The following TRIM71 variants were observed in gnomAD, a reference collection of about 807,000 sequenced individuals.
The protein encoded by TRIM71 is tripartite motif containing 71, also known as E3 ubiquitin-protein ligase TRIM71.
A neutral mutation model predicts 61.2 loss-of-function variants in TRIM71; 9 were observed. The ratio of observed to expected loss-of-function variants is 0.15; its 90% CI spans 0.09 to 0.26. TRIM71 has a LOEUF of 0.26. Ranked by LOEUF, TRIM71 falls within the 10% of genes least tolerant of loss-of-function variation. TRIM71 has a pLI of 1.00. For missense variants in TRIM71, 998 were observed against 1,238.7 expected, an observed-to-expected ratio of 0.81 and a Z score of 2.92; for synonymous variants, 645 against 553.2, an observed-to-expected ratio of 1.17 and a Z score of -2.33.
chr3:32,855,294 G>A lies in TRIM71; in HGVS notation c.853-18524G>A, dbSNP rs187953503. 1.1e-3 allele frequency among the ~76,000 whole-genome samples: 169 copies of A among 152,114 alleles called. 1 individual carries two copies. Among genetic ancestry groups the A allele is most frequent in the African/African-American group, 3.6e-3 (150 of 41,466 alleles). The stretch of plus-strand genomic sequence containing the variant: ...GGAAAGTTAAGTCGGGTAAGGGGGT[G>A]GAAGTGAGGGGTACCAGTGTTGTGT... On this transcript the variant is annotated intron_variant, in intron 1 of 3. Coordinates refer to ENST00000383763, the MANE Select transcript of TRIM71 (RefSeq NM_001039111.3).
chr3:32,883,986 G>A (rs1696934789), intron 2 of TRIM71, among the ~76,000 whole-genome samples: 1 of 152,194 alleles, frequency 6.6e-6, no homozygotes, highest in Non-Finnish European at 1.5e-5. Context: ...TGGATATCCT[G>A]TGAGCCCTCT....
intron 1 of TRIM71, among the ~76,000 whole-genome samples, chr3:32,873,384 G>A (rs549241711): frequency 6.6e-6 from 1 of 152,156 alleles, no homozygotes; most frequent in African/African-American, 2.4e-5. Context: ...GAGCAGCAAA[G>A]GAAACTTTTC....
At chr3:32,872,601 G>A (rs918407775) in intron 1 of TRIM71, among the ~76,000 whole-genome samples, 4 of 152,194 alleles carry the variant, frequency 2.6e-5, no homozygotes, top group Non-Finnish European at 4.4e-5. Context: ...CTTCTATTCA[G>A]TCTGCGCAGA....
chr3:32,819,535 T>TGG (rs1233035613), intron 1 of TRIM71, among the ~76,000 whole-genome samples: 1 of 151,922 alleles, frequency 6.6e-6, no homozygotes, highest in Non-Finnish European at 1.5e-5. Context: ...TGGGTAAGAG[T>TGG]GGGAGCGTCT....
At chr3:32,866,697 TGTGATTGTGGG>T (rs1575353875) in intron 1 of TRIM71, among the ~76,000 whole-genome samples, 1 of 151,986 alleles carries the variant, frequency 6.6e-6, no homozygotes, top group African/African-American at 2.4e-5. Flanking sequence ...CAAGGGCCTG[TGTGATTGTGGG>T]GCCTGGTCCC....
At chr3:32,865,784 G>A (rs1277436858) in intron 1 of TRIM71, among the ~76,000 whole-genome samples, 1 of 9,044 alleles carries the variant, frequency 1.1e-4, no homozygotes, top group Admixed American at 1.4e-3. Flanking sequence ...TTAATTTGCC[G>A]CCCGCCGGCC....
rs1197368344 is a variant in TRIM71, at chr3:32,893,113, C to T, written c.*1302C>T. 1 of 152,136 alleles carries T rather than the reference C, an allele frequency of 6.6e-6. No individual in the cohort carries two copies. The highest frequency in any genetic ancestry group is 1.5e-5 in the Non-Finnish European group (1 of 68,038). The allele number at this position is 152,136 out of a possible 1,614,324, so 9.4% of individuals were successfully genotyped here. A position where few individuals can be genotyped will look rare whatever the true frequency, so the allele number is the denominator to read the frequency against. On this transcript the variant is annotated 3_prime_UTR_variant, in exon 4 of 4. Coordinates refer to ENST00000383763, the MANE Select transcript of TRIM71 (RefSeq NM_001039111.3). ...TACCAACAGCCCAGTCCCACACCCT[C>T]TGCTTGGGTCACTTTTTATAGGATT...
intron 1 of TRIM71, among the ~76,000 whole-genome samples, chr3:32,836,818 C>T (rs947068905): frequency 9.9e-5 from 15 of 152,124 alleles, no homozygotes; most frequent in Admixed American, 2.6e-4. Context: ...GCTTCGTGGC[C>T]ATATACTGGT....
intron 1 of TRIM71, among the ~76,000 whole-genome samples, chr3:32,866,524 A>G (rs188248668): frequency 1.3e-5 from 2 of 152,268 alleles, no homozygotes; most frequent in Non-Finnish European, 2.9e-5. Flanking sequence ...ACCACGCCTG[A>G]TCAATGCTTT....
chr3:32,870,203 C>G (rs1057316002), intron 1 of TRIM71, among the ~76,000 whole-genome samples: 1 of 152,076 alleles, frequency 6.6e-6, no homozygotes, highest in African/African-American at 2.4e-5. Flanking sequence ...TGAAATCCTA[C>G]CAAAGTTCTG....
intron 1 of TRIM71, among the ~76,000 whole-genome samples, chr3:32,863,195 CTTTT>C (rs11348995): frequency 1.1e-3 from 58 of 53,748 alleles, no homozygotes; most frequent in African/African-American, 3.9e-3. Flanking sequence ...TTAATTGAAC[CTTTT>C]TTTTTTTTTT....
intron 1 of TRIM71, among the ~76,000 whole-genome samples, chr3:32,829,945 T>TTTTTTTTTTTTTTTTTTTTTTTC (rs1553643480): frequency 7.1e-6 from 1 of 141,212 alleles, no homozygotes; most frequent in Non-Finnish European, 1.5e-5. Context: ...TTTTTTTTTT[T>TTTTTTTTTTTTTTTTTTTTTTTC]CGAGATGGAG....
chr3:32,879,064 T>C (rs374896575), intron 2 of TRIM71, among the ~76,000 whole-genome samples: 6 of 152,208 alleles, frequency 3.9e-5, no homozygotes, highest in East Asian at 1.9e-4. Flanking sequence ...CTTACACATA[T>C]ATGTTTTGGA....
chr3:32,880,974 G>A (rs1696901542), intron 2 of TRIM71, among the ~76,000 whole-genome samples: 1 of 152,008 alleles, frequency 6.6e-6, no homozygotes, highest in South Asian at 2.1e-4. Context: ...ATTTAGAGAT[G>A]AATTATAGAT....
intron 1 of TRIM71, among the ~76,000 whole-genome samples, chr3:32,837,625 C>T (rs1696349818): frequency 1.3e-5 from 2 of 152,122 alleles, no homozygotes; most frequent in Admixed American, 1.3e-4. Context: ...CCAGACCATC[C>T]TGGCTAACTT....
At chr3:32,853,264 A>G (rs537247630) in intron 1 of TRIM71, among the ~76,000 whole-genome samples, 14 of 151,852 alleles carry the variant, frequency 9.2e-5, no homozygotes, top group Admixed American at 9.2e-4. Flanking sequence ...TTACAGGTGC[A>G]TGCCACCACA....
Position 32,818,578 on chromosome 3 carries a change from A to G in TRIM71, c.498A>G (p.Pro166=). ...CGCGCGCGTCCGCCTCCGCGCCGCCACTCCCGCAGGCGCCGCAGCCGCCCG... is the reference window on the plus strand; with the variant it reads ...CGCGCGCGTCCGCCTCCGCGCCGCCGCTCCCGCAGGCGCCGCAGCCGCCCG... ...AHPRASASAP[P]LPQAPQPPAP... Residue 166 remains proline, a synonymous_variant, in exon 1 of 4, where the codon CCA becomes CCG. Transcript: ENST00000383763. 3 of 1,278,274 alleles carry G rather than the reference A, an allele frequency of 2.3e-6. No homozygotes were observed. Among genetic ancestry groups the G allele is most frequent in the African/African-American group, 1.6e-5 (1 of 63,506 alleles). The allele number at this position is 1,278,274 out of a possible 1,614,324, so 79.2% of individuals were successfully genotyped here.
chr3:32,859,903 G>A (rs1274500814), intron 1 of TRIM71, among the ~76,000 whole-genome samples: 1 of 152,016 alleles, frequency 6.6e-6, no homozygotes, highest in Non-Finnish European at 1.5e-5. Context: ...CGGTGGGTGG[G>A]TTTATCCCCA....
At chr3:32,820,182 C>T (rs549094219) in intron 1 of TRIM71, among the ~76,000 whole-genome samples, 24 of 152,324 alleles carry the variant, frequency 1.6e-4, no homozygotes, top group Non-Finnish European at 3.2e-4. Flanking sequence ...TAGTGGGGGT[C>T]GTGGCCTGTG....
Sources: allele counts gnomAD v4.1 joint callset (sites outside exome capture counted in the v4.1 genomes callset), GRCh38; gene constraint gnomAD v4.1.1; transcripts MANE v1.5; gene names NCBI Gene and HGNC (gene_info 2026-07-23, HGNC 2026-07-21).